The following PPM1K variants were observed in gnomAD, a reference collection of about 807,000 sequenced individuals.
PPM1K encodes protein phosphatase, Mg2+/Mn2+ dependent 1K.
PPM1K carries 19 observed loss-of-function variants against 32.6 expected under a neutral mutation model. The ratio of observed to expected loss-of-function variants is 0.58; its 90% CI spans 0.41 to 0.86. The LOEUF is 0.86. Ranked by LOEUF, PPM1K falls within the 40% of genes least tolerant of loss-of-function variation. The pLI is 0.00. For synonymous variants in PPM1K, 159 were observed against 165.3 expected, an observed-to-expected ratio of 0.96 and a Z score of 0.29; for missense variants, 362 against 461.2, an observed-to-expected ratio of 0.78 and a Z score of 1.97.
chr4:88,268,664 G>T, intron 4 of PPM1K, 77 bp downstream of exon 4: 1 of 1,381,002 alleles, frequency 7.2e-7, no homozygotes, highest in South Asian at 1.3e-5. Context: ...ACTTAACCAT[G>T]ACATCAGTTT....
At chr4:88,276,811 C>A in intron 3 of PPM1K, 1 of 1,014,952 alleles carries the variant, frequency 9.9e-7, no homozygotes, top group Non-Finnish European at 1.2e-6. Flanking sequence ...AAACAAAACT[C>A]ATAGTATGGA....
intron 4 of PPM1K, 23 bp downstream of exon 4, chr4:88,268,718 T>C: frequency 1.3e-6 from 2 of 1,598,418 alleles, no homozygotes; most frequent in Non-Finnish European, 1.7e-6. Context: ...TAGAATGATA[T>C]GATGGATCAG....
In PPM1K at chr4:88,278,293, G is replaced by A. The variant is rs148087702; in HGVS notation, c.291C>T (p.Cys97=). 2.5e-5 allele frequency: 40 copies of A among 1,614,024 alleles called. No homozygotes were observed. The highest frequency in any genetic ancestry group is 2.0e-4 in the Admixed American group (12 of 60,000). ...IPKISLENVG[C]ASQIGKRKEN... ...CTTTCCGTTTGCCAATCTGTGAGGC[G>A]CACCCCACATTTTCCAAGCTGATTT... The change falls in exon 2 of 7, where the codon TGC becomes TGT. Residue 97 remains cysteine, a synonymous_variant. Transcript: ENST00000608933. The surrounding 1 kb of genome is among the most constrained non-coding windows in gnomAD (Gnocchi z 4.2).
In PPM1K at chr4:88,259,586, T is replaced by TA. The variant is rs1427904314; in HGVS notation, c.*3008dup. 6.6e-6 allele frequency: 1 copy of TA among 152,190 alleles called. No homozygotes were observed. The highest frequency in any genetic ancestry group is 1.5e-5 in the Non-Finnish European group (1 of 68,040). The allele number at this position is 152,190 out of a possible 1,614,324, so 9.4% of individuals were successfully genotyped here. ...AAAACTAGAGCAGTCCCTTTTTTTT[T>TA]ACTATGATTTGCATATTTTCCAGTA... On this transcript the variant is annotated 3_prime_UTR_variant, in exon 7 of 7. Transcript: ENST00000608933.
At chr4:88,276,826 T>C (rs1731784390) in intron 3 of PPM1K, 1 of 1,024,762 alleles carries the variant, frequency 9.8e-7, no homozygotes, top group East Asian at 8.5e-5. Context: ...TATGGACATT[T>C]TGTCCATAAA....
At chr4:88,274,401 T>A (rs1462119956) in intron 3 of PPM1K, among the ~76,000 whole-genome samples, 2 of 151,952 alleles carry the variant, frequency 1.3e-5, no homozygotes, top group Non-Finnish European at 2.9e-5. Context: ...GAGATCTCAG[T>A]TCAATCCAAA....
At chr4:88,277,445 T>C in intron 2 of PPM1K, 2 of 508,266 alleles carry the variant, frequency 3.9e-6, no homozygotes, top group East Asian at 3.2e-5. Context: ...GGCACAACAA[T>C]GAAAGTCCAA....
Position 88,258,571 on chromosome 4 carries a change from T to A in PPM1K, c.*4024A>T, listed in dbSNP as rs1434278811. 1 of 151,002 alleles carries A rather than the reference T, an allele frequency of 6.6e-6. No homozygotes were observed. The highest frequency in any genetic ancestry group is 1.5e-5 in the Non-Finnish European group (1 of 67,850). The allele number at this position is 151,002 out of a possible 1,614,324, so 9.4% of individuals were successfully genotyped here. ...TAAACCCAGGAGGCAGAGGTTGCAG[T>A]GAGCCAAGATCGCGCCACTGCACTC... On this transcript the variant is annotated 3_prime_UTR_variant, in exon 7 of 7. Coordinates refer to ENST00000608933, the MANE Select transcript of PPM1K (RefSeq NM_152542.5).
rs146035038 is a variant in PPM1K, at chr4:88,268,418, C to G, written c.708-84G>C. ...AGGGCAGATCACGAGGTCAGGAGAT[C>G]GAGACCATCCTGGCTAACACGGTGA... On this transcript the variant is annotated intron_variant, in intron 4 of 6. Transcript: ENST00000608933. The G allele has an allele frequency of 5.8e-4, 845 of 1,466,938 alleles. 2 individuals are homozygous for G. Among genetic ancestry groups the G allele is most frequent in the Middle Eastern group, 7.8e-4 (4 of 5,134 alleles). 90.9% of individuals were successfully genotyped at this position (1,466,938 alleles called of 1,614,324 possible). A position where few individuals can be genotyped will look rare whatever the true frequency, so the allele number is the denominator to read the frequency against.
Position 88,278,752 on chromosome 4 carries a change from T to C in PPM1K, c.-59-110A>G. The C allele has an allele frequency of 3.4e-6, 2 of 588,762 alleles. No homozygotes were observed. The highest frequency in any genetic ancestry group is 6.0e-6 in the Non-Finnish European group (2 of 335,664). The allele number at this position is 588,762 out of a possible 1,614,324, so 36.5% of individuals were successfully genotyped here. ...CATCAGAAATTTTGAATATAACTGA[T>C]ATGTCATCAAATATTACCAAAAATG... On this transcript the variant is annotated intron_variant, in intron 1 of 6. Coordinates refer to ENST00000608933, the MANE Select transcript of PPM1K (RefSeq NM_152542.5). The surrounding 1 kb of genome is among the most constrained non-coding windows in gnomAD (Gnocchi z 4.2).
Position 88,261,484 on chromosome 4 carries a change from T to A in PPM1K, c.*1111A>T, listed in dbSNP as rs1308015451. On this transcript the variant is annotated 3_prime_UTR_variant, in exon 7 of 7. Transcript: ENST00000608933. ...AAATGAGAACTTCATACAAAATACT[T>A]GATTCCATCAGTATTTAACTTTTGA... 1 of 152,212 alleles carries A rather than the reference T, an allele frequency of 6.6e-6. No homozygotes were observed. Among genetic ancestry groups the A allele is most frequent in the Non-Finnish European group, 1.5e-5 (1 of 68,032 alleles). 9.4% of individuals were successfully genotyped at this position (152,212 alleles called of 1,614,324 possible). A position where few individuals can be genotyped will look rare whatever the true frequency, so the allele number is the denominator to read the frequency against.
intron 2 of PPM1K, 131 bp from the exon 3 acceptor site, chr4:88,277,374 C>G: frequency 1.6e-6 from 1 of 643,514 alleles, no homozygotes. Flanking sequence ...TGAAGACCTA[C>G]TGGCTAAGGA....
At chr4:88,269,888 T>A (rs1181604774) in intron 3 of PPM1K, among the ~76,000 whole-genome samples, 1 of 152,256 alleles carries the variant, frequency 6.6e-6, no homozygotes, top group Non-Finnish European at 1.5e-5. Flanking sequence ...GTGTCTGCCC[T>A]AAGTTCTTTA....
At position 88,257,938 on chromosome 4, in the gene PPM1K, G is replaced by C. The variant is rs1446131642; in HGVS notation, c.*4657C>G. ...ATGATTTCACAGCCTAGAACACTAA[G>C]TATGACCACCAACGCACCATTTCAA... On this transcript the variant is annotated 3_prime_UTR_variant, in exon 7 of 7. Transcript: ENST00000608933. The C allele has an allele frequency of 2.6e-5, 4 of 152,172 alleles. No homozygotes were observed. The highest frequency in any genetic ancestry group is 9.7e-5 in the African/African-American group (4 of 41,430). 9.4% of individuals were successfully genotyped at this position (152,172 alleles called of 1,614,324 possible). A position where few individuals can be genotyped will look rare whatever the true frequency, so the allele number is the denominator to read the frequency against.
intron 1 of PPM1K, among the ~76,000 whole-genome samples, chr4:88,282,095 TAAGA>T (rs977619188): frequency 3.3e-5 from 5 of 152,174 alleles, no homozygotes; most frequent in African/African-American, 1.2e-4. Context: ...TTCCACAAAC[TAAGA>T]GAGAGAAGGA....
rs534769563 is a variant in PPM1K, at chr4:88,259,086, C to CA, written c.*3508dup. 0.035 allele frequency: 3,969 copies of CA among 114,798 alleles called. 138 individuals carry two copies. The highest frequency in any genetic ancestry group is 0.1 in the African/African-American group (3,203 of 31,240). 7.1% of individuals were successfully genotyped at this position (114,798 alleles called of 1,614,324 possible). A position where few individuals can be genotyped will look rare whatever the true frequency, so the allele number is the denominator to read the frequency against. On this transcript the variant is annotated 3_prime_UTR_variant, in exon 7 of 7. Transcript: ENST00000608933. ...TGGGTGACAGAGAGAGACTCCTTCT[C>CA]AAAAAAAAAAAAGAAAAAAAAATAC...
At chr4:88,273,483 C>T (rs1340338268) in intron 3 of PPM1K, among the ~76,000 whole-genome samples, 1 of 152,132 alleles carries the variant, frequency 6.6e-6, no homozygotes, top group East Asian at 1.9e-4. Context: ...GAGTTAGAGA[C>T]CAGCCTGACC....
chr4:88,266,406 G>A (rs141809566), intron 5 of PPM1K, among the ~76,000 whole-genome samples: 2 of 152,094 alleles, frequency 1.3e-5, no homozygotes, highest in South Asian at 2.1e-4. Flanking sequence ...TGCAGGTGAT[G>A]CTGATTGATT....
At chr4:88,264,717 C>G (rs1243317852) in intron 6 of PPM1K, among the ~76,000 whole-genome samples, 1 of 152,166 alleles carries the variant, frequency 6.6e-6, no homozygotes, top group Non-Finnish European at 1.5e-5. Context: ...TGAGCTAATA[C>G]ATATGAATAT....
Sources: allele counts gnomAD v4.1 joint callset (sites outside exome capture counted in the v4.1 genomes callset), GRCh38; gene constraint gnomAD v4.1.1; non-coding constraint Gnocchi (gnomAD v3.1); transcripts MANE v1.5; gene names NCBI Gene and HGNC (gene_info 2026-07-23, HGNC 2026-07-21).